The following TCF3 variants were observed in gnomAD, a reference collection of about 807,000 sequenced individuals.
TCF3 encodes transcription factor E2-alpha.
In TCF3, 54 loss-of-function variants were observed where a neutral mutation model predicts 72.3. The observed-to-expected ratio is 0.75, with a 90% CI of 0.60 to 0.94. TCF3 has a LOEUF of 0.94. Among genes scored for constraint, TCF3 ranks in the 40% least tolerant of loss-of-function variants. The pLI is 0.00. For synonymous variants in TCF3, 525 were observed against 412.6 expected (o/e 1.27, Z -3.30); for missense variants, 1,078 against 934.4 (o/e 1.15, Z -2.00).
Position 1,615,786 on chromosome 19 carries a change from C to A in TCF3, c.1486G>T (p.Glu496Ter), listed in dbSNP as rs201250905. 1 of 1,580,546 alleles carries A rather than the reference C, an allele frequency of 6.3e-7. No homozygotes were observed. Among genetic ancestry groups the A allele is most frequent in the African/African-American group, 1.3e-5 (1 of 74,502 alleles). The change falls in exon 17 of 19, where the codon GAG becomes TAG. Residue 496 changes from glutamate to a stop codon, truncating the protein, a stop_gained. Coordinates refer to ENST00000262965, the MANE Select transcript of TCF3 (RefSeq NM_003200.5). LOFTEE classifies it high-confidence loss of function. This position sits in a 1 kb window ranked among gnomAD's most constrained non-coding sequence, Gnocchi z 7.3. ...TCCTCCTTCTCCTCCCGCTTGATCT[C>A]GCTGGCGGCCGCCGTGGCACCTGCT... ...GRAGATAAAS[E>*]IKREEKEDEE... is the part of the protein sequence containing the mutation.
chr19:1,627,026 G>C (rs556479143), intron 6 of TCF3, among the ~76,000 whole-genome samples: 1 of 152,164 alleles, frequency 6.6e-6, no homozygotes, highest in African/African-American at 2.4e-5. Context: ...GGCTGCACAG[G>C]GGCCTGTTGT....
intron 16 of TCF3, among the ~76,000 whole-genome samples, chr19:1,618,271 G>A (rs971020136): frequency 2.0e-5 from 3 of 152,000 alleles, no homozygotes; most frequent in African/African-American, 7.2e-5. Context: ...TTCAGGAGAT[G>A]CAGGGCCCAC....
chr19:1,647,055 G>C (rs1397025728), intron 2 of TCF3, among the ~76,000 whole-genome samples: 1 of 152,190 alleles, frequency 6.6e-6, no homozygotes, highest in Non-Finnish European at 1.5e-5. Context: ...AGGAAGACAC[G>C]GGATGGAGCC....
intron 3 of TCF3, among the ~76,000 whole-genome samples, chr19:1,640,781 G>A (rs1455229864): frequency 2.6e-5 from 4 of 151,396 alleles, no homozygotes; most frequent in Admixed American, 6.6e-5. Flanking sequence ...CCCAGCCTGG[G>A]TGACAGAGCA....
Position 1,627,512 on chromosome 19 carries a change from G to C in TCF3, c.299-86C>G, listed in dbSNP as rs1045757931. ...GAGTGCCTGCCATGTGCCTACAATA[G>C]GCTCTCAGTAAGTGCACACGACTGA... On this transcript the variant is annotated intron_variant, in intron 5 of 18. Transcript: ENST00000262965. The C allele has an allele frequency of 8.0e-6, 10 of 1,245,544 alleles. No homozygotes were observed. In the Admixed American group the frequency reaches 1.9e-4, roughly 23 times the overall value. 77.2% of individuals were successfully genotyped at this position (1,245,544 alleles called of 1,614,324 possible). A position where few individuals can be genotyped will look rare whatever the true frequency, so the allele number is the denominator to read the frequency against.
intron 2 of TCF3, among the ~76,000 whole-genome samples, chr19:1,648,859 G>A (rs1053671144): frequency 2.1e-4 from 32 of 151,622 alleles, no homozygotes; most frequent in African/African-American, 7.0e-4. Flanking sequence ...TCTGTAGACA[G>A]GCCAGAAGAA....
intron 2 of TCF3, among the ~76,000 whole-genome samples, chr19:1,649,785 G>A (rs773169463): frequency 2.0e-5 from 3 of 152,062 alleles, no homozygotes; most frequent in South Asian, 2.1e-4. Flanking sequence ...GGAGTGCAGT[G>A]ATCTTTTACT....
At chr19:1,629,640 C>T (rs1275803334) in intron 5 of TCF3, among the ~76,000 whole-genome samples, 2 of 152,176 alleles carry the variant, frequency 1.3e-5, no homozygotes, top group African/African-American at 2.4e-5. Flanking sequence ...TGGATCCAGC[C>T]TTGCCTGAAG....
intron 3 of TCF3, among the ~76,000 whole-genome samples, chr19:1,643,585 A>T (rs2065646928): frequency 6.6e-6 from 1 of 151,792 alleles, no homozygotes; most frequent in Non-Finnish European, 1.5e-5. Context: ...GCTCAAACAT[A>T]GCTCACTGCA....
chr19:1,622,429 G>T lies in TCF3; in HGVS notation c.550-14C>A, dbSNP rs1184649632. The T allele has an allele frequency of 7.6e-6, 10 of 1,313,014 alleles. No individual in the cohort carries two copies. Among genetic ancestry groups the T allele is most frequent in the Non-Finnish European group, 1.0e-5 (10 of 977,894 alleles). 81.3% of individuals were successfully genotyped at this position (1,313,014 alleles called of 1,614,324 possible). ...GGGTGGGTACACCTGCGGGCGGGTG[G>T]GCGGTGGGGGGTGCAGTCAGGACGG... On this transcript the variant is annotated splice_polypyrimidine_tract_variant and intron_variant, in intron 8 of 18. Coordinates refer to ENST00000262965, the MANE Select transcript of TCF3 (RefSeq NM_003200.5).
At chr19:1,650,127 A>G in intron 2 of TCF3, 50 bp downstream of exon 2, 1 of 1,506,606 alleles carries the variant, frequency 6.6e-7, no homozygotes, top group Non-Finnish European at 9.0e-7. Flanking sequence ...CCTTCCCGTG[A>G]ACTGTGGAGG....
chr19:1,641,903 T>G (rs1030947420), intron 3 of TCF3, among the ~76,000 whole-genome samples: 1 of 151,934 alleles, frequency 6.6e-6, no homozygotes, highest in Non-Finnish European at 1.5e-5. Flanking sequence ...CTCTACAAAA[T>G]ACATATTTTT....
intron 3 of TCF3, among the ~76,000 whole-genome samples, chr19:1,642,286 G>A (rs568683228): frequency 1.5e-4 from 22 of 145,104 alleles, no homozygotes; most frequent in Non-Finnish European, 2.6e-4. Context: ...GCACAGACGC[G>A]CACACGCACA....
At position 1,609,489 on chromosome 19, in the gene TCF3, T is replaced by C; in HGVS notation, c.*2218A>G. 1 of 176,918 alleles carries C rather than the reference T, an allele frequency of 5.7e-6. No individual in the cohort carries two copies. Among genetic ancestry groups the C allele is most frequent in the Middle Eastern group, 2.1e-3 (1 of 468 alleles). The allele number at this position is 176,918 out of a possible 1,614,324, so 11.0% of individuals were successfully genotyped here. A position where few individuals can be genotyped will look rare whatever the true frequency, so the allele number is the denominator to read the frequency against. ...AGATCACACCCCCCACCCCCCATAA[T>C]TGTGGTTCCCAGGAACTGCTGTTTC... On this transcript the variant is annotated 3_prime_UTR_variant, in exon 19 of 19. Transcript: ENST00000262965.
intron 8 of TCF3, 58 bp downstream of exon 8, chr19:1,623,893 C>T: frequency 6.4e-7 from 1 of 1,567,036 alleles, no homozygotes; most frequent in South Asian, 1.1e-5. Context: ...CGCCAGGACA[C>T]AGGGCCTGGC....
At chr19:1,644,787 G>A (rs115955986) in intron 3 of TCF3, among the ~76,000 whole-genome samples, 1,666 of 152,168 alleles carry the variant, frequency 0.011, 28 homozygotes, top group African/African-American at 0.039. Flanking sequence ...GACAGGGGAC[G>A]AGGGAAGACA....
At chr19:1,619,689 G>C in intron 14 of TCF3, 91 bp downstream of exon 14, 1 of 1,136,532 alleles carries the variant, frequency 8.8e-7, no homozygotes, top group Non-Finnish European at 1.2e-6. Flanking sequence ...TTATTTACAA[G>C]AAACTAACAA....
At position 1,629,889 on chromosome 19, in the gene TCF3, G is replaced by C. The variant is rs571299854; in HGVS notation, c.298+2149C>G. ...CCGTTTCCTCATCTTGGTGACCCGG[G>C]GGGACATGGGGAAGATGACAGCCAC... On this transcript the variant is annotated intron_variant, in intron 5 of 18. Coordinates refer to ENST00000262965, the MANE Select transcript of TCF3 (RefSeq NM_003200.5). 4.6e-5 allele frequency among the ~76,000 whole-genome samples: 7 copies of C among 152,328 alleles called. No individual in the cohort carries two copies. In the South Asian group the frequency reaches 1.5e-3, roughly 32 times the overall value.
At chr19:1,644,858 T>C (rs1400029755) in intron 3 of TCF3, among the ~76,000 whole-genome samples, 1 of 141,778 alleles carries the variant, frequency 7.1e-6, no homozygotes, top group Non-Finnish European at 1.5e-5. Flanking sequence ...CCCAGGAGAA[T>C]GGGGGTGGAC....
Sources: gnomAD v4.1 joint callset for allele counts (sites outside exome capture counted in the v4.1 genomes callset) on GRCh38, gnomAD v4.1.1 for gene constraint, Gnocchi (gnomAD v3.1) non-coding constraint, MANE v1.5 for transcripts, NCBI Gene and HGNC (gene_info 2026-07-23, HGNC 2026-07-21) for gene names.